PDSS2: variants seen among roughly 807,000 people sequenced by gnomAD.
PDSS2 encodes the protein decaprenyl diphosphate synthase subunit 2, also known as all trans-polyprenyl-diphosphate synthase PDSS2.
A neutral mutation model predicts 44.5 loss-of-function variants in PDSS2; 31 were observed. That is an observed-to-expected ratio of 0.70 (90% CI 0.52 to 0.94). PDSS2 has a LOEUF of 0.94. PDSS2 is among the 40% of genes least tolerant of loss of function. The pLI is 0.00. For synonymous variants in PDSS2, 157 were observed against 180.3 expected, an observed-to-expected ratio of 0.87 and a Z score of 1.03; for missense variants, 452 against 482.2, an observed-to-expected ratio of 0.94 and a Z score of 0.59.
chr6:107,355,934 T>C lies in PDSS2; in HGVS notation c.297-21602A>G, dbSNP rs183507876. Among the ~76,000 whole-genome samples, 21 of 152,354 alleles carry C rather than the reference T, an allele frequency of 1.4e-4. No homozygotes were observed. In the East Asian group the frequency reaches 3.7e-3, roughly 27 times the overall value. The stretch of plus-strand genomic sequence containing the variant: ...CCAGAGAGACTGTGACTTGTTTCTC[T>C]TTATCCCTGATGAGGAAGAGATCTC... On this transcript the variant is annotated intron_variant, in intron 1 of 7. Transcript: ENST00000369037.
In PDSS2 at chr6:107,206,392, A is replaced by G. The variant is rs937297336; in HGVS notation, c.1008+4047T>C. On this transcript the variant is annotated intron_variant, in intron 6 of 7. Coordinates refer to ENST00000369037, the MANE Select transcript of PDSS2 (RefSeq NM_020381.4). The stretch of plus-strand genomic sequence containing the variant: ...CGGCCTGTTTCTAATAGAGATAAAT[A>G]TTTTTCTTATAATGCATCTCTTGTC... Among the ~76,000 whole-genome samples the G allele has an allele frequency of 2.0e-5, 3 of 152,062 alleles. No homozygotes were observed. In the East Asian group the frequency reaches 5.8e-4, roughly 29 times the overall value.
At chr6:107,339,767 C>G (rs1778022269) in intron 1 of PDSS2, among the ~76,000 whole-genome samples, 1 of 152,028 alleles carries the variant, frequency 6.6e-6, no homozygotes, top group Non-Finnish European at 1.5e-5. Flanking sequence ...GGGGCATATG[C>G]CAGGCTGAGA....
intron 7 of PDSS2, among the ~76,000 whole-genome samples, chr6:107,157,112 T>C (rs1386347599): frequency 6.6e-6 from 1 of 152,184 alleles, no homozygotes; most frequent in Non-Finnish European, 1.5e-5. Flanking sequence ...TCTAAGCTCT[T>C]TCATGAGGCA....
At chr6:107,326,020 T>C (rs1414446473) in intron 2 of PDSS2, among the ~76,000 whole-genome samples, 1 of 152,204 alleles carries the variant, frequency 6.6e-6, no homozygotes, top group Non-Finnish European at 1.5e-5. Context: ...CAAATAGTCA[T>C]TGCTATCTAT....
chr6:107,159,560 G>C (rs62428004), intron 7 of PDSS2, among the ~76,000 whole-genome samples: 40,622 of 151,416 alleles, frequency 0.27, 6,816 homozygotes, highest in Non-Finnish European at 0.37. Context: ...GGGACTACAG[G>C]CACGTGCCAC....
At chr6:107,174,801 T>A (rs951611356) in intron 7 of PDSS2, among the ~76,000 whole-genome samples, 1 of 151,892 alleles carries the variant, frequency 6.6e-6, no homozygotes, top group Non-Finnish European at 1.5e-5. Context: ...GAGATTCACA[T>A]GCAAAAATAC....
chr6:107,358,486 T>G (rs1195365285), intron 1 of PDSS2, among the ~76,000 whole-genome samples: 1 of 152,204 alleles, frequency 6.6e-6, no homozygotes, highest in Non-Finnish European at 1.5e-5. Context: ...ATAGTGATAT[T>G]TTTTCCACTT....
intron 2 of PDSS2, among the ~76,000 whole-genome samples, chr6:107,302,333 G>A (rs1008070978): frequency 1.3e-5 from 2 of 151,478 alleles, no homozygotes; most frequent in African/African-American, 4.9e-5. Flanking sequence ...TGGTACAGTA[G>A]TGTGATCATA....
At chr6:107,397,309 C>T (rs9486607) in intron 1 of PDSS2, among the ~76,000 whole-genome samples, 1 of 151,824 alleles carries the variant, frequency 6.6e-6, no homozygotes, top group African/African-American at 2.4e-5. Context: ...GAAGGTAAAA[C>T]TGTTGGAGAC....
At chr6:107,232,459 A>G (rs1462407393) in intron 4 of PDSS2, among the ~76,000 whole-genome samples, 1 of 152,040 alleles carries the variant, frequency 6.6e-6, no homozygotes, top group Non-Finnish European at 1.5e-5. Context: ...TTTCCCCCCA[A>G]CATAGTTAGC....
At chr6:107,172,778 T>G (rs1375928699) in intron 7 of PDSS2, among the ~76,000 whole-genome samples, 2 of 151,874 alleles carry the variant, frequency 1.3e-5, no homozygotes. Context: ...ATTCTTTTTT[T>G]TTTTCTTCTT....
chr6:107,171,300 T>A (rs1324421291), intron 7 of PDSS2, among the ~76,000 whole-genome samples: 1 of 152,124 alleles, frequency 6.6e-6, no homozygotes, highest in Non-Finnish European at 1.5e-5. Flanking sequence ...TAGCTGGCAC[T>A]ACAGGCACGT....
intron 1 of PDSS2, among the ~76,000 whole-genome samples, chr6:107,440,350 G>A (rs1781478304): frequency 1.3e-5 from 2 of 152,164 alleles, no homozygotes; most frequent in Non-Finnish European, 2.9e-5. Flanking sequence ...CAAAAGTGAG[G>A]CAACTGGCTG....
At chr6:107,156,786 C>T (rs1770914431) in intron 7 of PDSS2, among the ~76,000 whole-genome samples, 1 of 152,172 alleles carries the variant, frequency 6.6e-6, no homozygotes, top group South Asian at 2.1e-4. Context: ...TAATGAGCAC[C>T]ACAGTGCCTC....
At chr6:107,366,041 A>C (rs975723688) in intron 1 of PDSS2, among the ~76,000 whole-genome samples, 3 of 152,136 alleles carry the variant, frequency 2.0e-5, no homozygotes, top group Admixed American at 6.5e-5. Context: ...CTATCAACCA[A>C]CTTGATATAA....
intron 1 of PDSS2, among the ~76,000 whole-genome samples, chr6:107,426,335 G>A (rs1182375051): frequency 3.3e-5 from 5 of 152,214 alleles, no homozygotes; most frequent in African/African-American, 7.2e-5. Context: ...GTCAAGAACC[G>A]GGGTTTGGGA....
chr6:107,406,773 A>G (rs1780333399), intron 1 of PDSS2, among the ~76,000 whole-genome samples: 4 of 152,254 alleles, frequency 2.6e-5, no homozygotes, highest in Admixed American at 2.6e-4. Flanking sequence ...CATAAGTGAG[A>G]TAGAACCAGG....
At chr6:107,335,180 A>C (rs1173388076) in intron 1 of PDSS2, among the ~76,000 whole-genome samples, 5 of 151,430 alleles carry the variant, frequency 3.3e-5, no homozygotes, top group Admixed American at 3.3e-4. Context: ...AAAAAAAAAA[A>C]AAAAGTGACA....
In PDSS2 at chr6:107,284,778, C is replaced by T. The variant is rs376180881; in HGVS notation, c.432-10551G>A. ...TATGTCACTTCATCTGAATATTCTT[C>T]GAAAACACTATTTTAAAAAGTGCCT... On this transcript the variant is annotated intron_variant, in intron 2 of 7. Coordinates refer to ENST00000369037, the MANE Select transcript of PDSS2 (RefSeq NM_020381.4). Among the ~76,000 whole-genome samples, 18 of 152,072 alleles carry T rather than the reference C, an allele frequency of 1.2e-4. No individual in the cohort carries two copies. In the South Asian group the frequency reaches 1.2e-3, roughly 10 times the overall value.
Sources: allele counts gnomAD v4.1 joint callset (sites outside exome capture counted in the v4.1 genomes callset), GRCh38; gene constraint gnomAD v4.1.1; transcripts MANE v1.5; gene names NCBI Gene and HGNC (gene_info 2026-07-23, HGNC 2026-07-21).